Variants in SLIT2 observed in about 807,000 individuals in gnomAD.
The protein encoded by SLIT2 is slit guidance ligand 2.
In SLIT2, 41 loss-of-function variants were observed where a neutral mutation model predicts 185.7. The ratio of observed to expected loss-of-function variants is 0.22; its 90% CI spans 0.17 to 0.29. The LOEUF (loss-of-function observed/expected upper bound fraction) is 0.29. Ranked by LOEUF, SLIT2 falls within the 10% of genes least tolerant of loss-of-function variation. The probability of loss-of-function intolerance (pLI) is 1.00; values close to 1 mark genes in which losing one functional copy is unlikely to be tolerated. For synonymous variants in SLIT2, 693 were observed against 680.2 expected, an observed-to-expected ratio of 1.02 and a Z score of -0.29; for missense variants, 1,571 against 1,909.0, an observed-to-expected ratio of 0.82 and a Z score of 3.30.
chr4:20,428,230 C>CA (rs1728702679), intron 4 of SLIT2, among the ~76,000 whole-genome samples: 1 of 152,260 alleles, frequency 6.6e-6, no homozygotes, highest in African/African-American at 2.4e-5. Context: ...TTTTGCAGAG[C>CA]ACACACACAT....
chr4:20,401,042 A>T (rs144419727), intron 4 of SLIT2, among the ~76,000 whole-genome samples: 61 of 151,996 alleles, frequency 4.0e-4, no homozygotes, highest in Admixed American at 8.6e-4. Flanking sequence ...GTTTAGGTTA[A>T]TGGTAGAGAT....
At chr4:20,442,464 C>A (rs1382741400) in intron 4 of SLIT2, among the ~76,000 whole-genome samples, 1 of 138,456 alleles carries the variant, frequency 7.2e-6, no homozygotes, top group East Asian at 2.3e-4. Flanking sequence ...GCGGAGCTTG[C>A]AGTGAGCTGA....
Position 20,463,893 on chromosome 4 carries a change from AT to A in SLIT2, c.396-3856del, listed in dbSNP as rs372055626. Among the ~76,000 whole-genome samples, 434 of 149,410 alleles carry A rather than the reference AT, an allele frequency of 2.9e-3. 1 individual carries two copies. Among genetic ancestry groups the A allele is most frequent in the African/African-American group, 3.7e-3 (151 of 40,762 alleles). ...TTTGTCTCAAAAAAAAAAAAAAAAAATTTCAAAACCATAATCATAATTAGCA... is the reference window on the plus strand; with the variant it reads ...TTTGTCTCAAAAAAAAAAAAAAAAAATTCAAAACCATAATCATAATTAGCA... On this transcript the variant is annotated intron_variant, in intron 4 of 36. Coordinates refer to ENST00000504154, the MANE Select transcript of SLIT2 (RefSeq NM_004787.4).
intron 8 of SLIT2, among the ~76,000 whole-genome samples, chr4:20,491,005 A>G (rs1717738186): frequency 6.6e-6 from 1 of 152,218 alleles, no homozygotes. Context: ...TGCTTATTTA[A>G]TACAACTGTG....
Position 20,484,142 on chromosome 4 carries a change from A to T in SLIT2, c.540-2058A>T, listed in dbSNP as rs986641839. ...GGAGATATAAGAAACTATAGTTCAA[A>T]ATTAATGCATGTCTGCTCTCTGTGT... On this transcript the variant is annotated intron_variant, in intron 6 of 36. Transcript: ENST00000504154. The surrounding 1 kb of genome is among the most constrained non-coding windows in gnomAD (Gnocchi z 4.3). 2.6e-5 allele frequency among the ~76,000 whole-genome samples: 4 copies of T among 152,132 alleles called. No individual in the cohort carries two copies. The highest frequency in any genetic ancestry group is 5.9e-5 in the Non-Finnish European group (4 of 68,010).
At chr4:20,300,136 T>A (rs1224595499) in intron 4 of SLIT2, among the ~76,000 whole-genome samples, 1 of 152,052 alleles carries the variant, frequency 6.6e-6, no homozygotes, top group African/African-American at 2.4e-5. Context: ...CAAATCAAAT[T>A]TATAAAATAA....
At chr4:20,423,930 T>C (rs548019082) in intron 4 of SLIT2, among the ~76,000 whole-genome samples, 50 of 152,120 alleles carry the variant, frequency 3.3e-4, no homozygotes, top group Non-Finnish European at 6.5e-4. Flanking sequence ...ATCAACTTGA[T>C]ATACGAATTT....
rs138117862 is a variant in SLIT2, at chr4:20,406,412, A to G, written c.396-61340A>G. 1.0e-3 allele frequency among the ~76,000 whole-genome samples: 144 copies of G among 143,970 alleles called. 6 individuals are homozygous for G. Among genetic ancestry groups the G allele is most frequent in the African/African-American group, 3.2e-3 (133 of 41,212 alleles). 94.4% of individuals were successfully genotyped at this position (143,970 alleles called of 152,430 possible). ...TGTAACCACTGAAGGATTTACATAC[A>G]GATTCTCTATCTTTAAAACCTCTTA... is the stretch of plus-strand genomic sequence containing the variant. On this transcript the variant is annotated intron_variant, in intron 4 of 36. Coordinates refer to ENST00000504154, the MANE Select transcript of SLIT2 (RefSeq NM_004787.4).
chr4:20,352,952 G>A (rs1443678465), intron 4 of SLIT2, among the ~76,000 whole-genome samples: 1 of 152,128 alleles, frequency 6.6e-6, no homozygotes, highest in Non-Finnish European at 1.5e-5. Flanking sequence ...GAACAAATTT[G>A]CAGTAAAACA....
intron 33 of SLIT2, among the ~76,000 whole-genome samples, chr4:20,606,430 C>T (rs760233673): frequency 2.6e-5 from 4 of 150,952 alleles, no homozygotes; most frequent in Admixed American, 1.3e-4. Flanking sequence ...TGCAGTGAGC[C>T]GTAATTATGT....
chr4:20,462,290 G>C (rs6817972), intron 4 of SLIT2, among the ~76,000 whole-genome samples: 10,968 of 152,162 alleles, frequency 0.072, 504 homozygotes, highest in Admixed American at 0.16. Flanking sequence ...AGTTTAAGGT[G>C]CTCAATATTT....
At chr4:20,511,724 G>A (rs913682115) in intron 11 of SLIT2, among the ~76,000 whole-genome samples, 10 of 150,820 alleles carry the variant, frequency 6.6e-5, no homozygotes, top group South Asian at 2.1e-4. Flanking sequence ...CACCGTGCCC[G>A]GCCCATTTTT....
chr4:20,283,112 G>GCA (rs1714938579), intron 4 of SLIT2, among the ~76,000 whole-genome samples: 1 of 117,126 alleles, frequency 8.5e-6, no homozygotes, highest in Non-Finnish European at 1.7e-5. Flanking sequence ...GTGCCTGTGT[G>GCA]CGCGCGCGCA....
chr4:20,256,642 G>A (rs1323539930), intron 1 of SLIT2, 30 bp from the exon 2 acceptor site: 4 of 1,148,610 alleles, frequency 3.5e-6, no homozygotes, highest in African/African-American at 1.6e-5. Flanking sequence ...GAAATAAAAT[G>A]GAACTTTCAC....
intron 34 of SLIT2, among the ~76,000 whole-genome samples, chr4:20,610,805 G>A (rs1729149937): frequency 6.6e-6 from 1 of 152,160 alleles, no homozygotes; most frequent in Non-Finnish European, 1.5e-5. Flanking sequence ...CAAGAGAGAG[G>A]GTTGGAAAGG....
intron 4 of SLIT2, among the ~76,000 whole-genome samples, chr4:20,327,683 T>A (rs1719713279): frequency 6.6e-6 from 1 of 152,036 alleles, no homozygotes. Flanking sequence ...TTTTAAACTT[T>A]TATAACCAAA....
At chr4:20,356,049 G>T (rs1722295763) in intron 4 of SLIT2, among the ~76,000 whole-genome samples, 1 of 152,124 alleles carries the variant, frequency 6.6e-6, no homozygotes, top group Non-Finnish European at 1.5e-5. Flanking sequence ...CAAGATAAAT[G>T]ATTATGAAGA....
At chr4:20,600,486 G>A (rs374118750) in intron 33 of SLIT2, among the ~76,000 whole-genome samples, 1 of 144,392 alleles carries the variant, frequency 6.9e-6, no homozygotes, top group African/African-American at 2.6e-5. Context: ...GCAGTGGTGC[G>A]ATCTTGGCTC....
chr4:20,546,850 G>T (rs1011849799), intron 22 of SLIT2, among the ~76,000 whole-genome samples: 2 of 151,858 alleles, frequency 1.3e-5, no homozygotes, highest in Non-Finnish European at 1.5e-5. Context: ...ATTGGTAATT[G>T]AGAAAACTTT....
Sources: gnomAD v4.1 joint callset for allele counts (sites outside exome capture counted in the v4.1 genomes callset) on GRCh38, gnomAD v4.1.1 for gene constraint, Gnocchi (gnomAD v3.1) non-coding constraint, MANE v1.5 for transcripts, NCBI Gene and HGNC (gene_info 2026-07-23, HGNC 2026-07-21) for gene names.